The following RABEP1 variants were observed in gnomAD, a reference collection of about 807,000 sequenced individuals.
RABEP1 encodes rab GTPase-binding effector protein 1.
RABEP1 carries 51 observed loss-of-function variants against 123.4 expected under a neutral mutation model. The observed-to-expected ratio is 0.41, with a 90% CI of 0.33 to 0.52. The LOEUF (loss-of-function observed/expected upper bound fraction) is 0.52, where lower values mean the gene tolerates loss of function less well. RABEP1 is among the 20% of genes least tolerant of loss of function. The pLI is 0.16. For synonymous variants in RABEP1, 347 were observed against 355.2 expected (o/e 0.98, Z 0.26); for missense variants, 888 against 996.3 (o/e 0.89, Z 1.46).
intron 2 of RABEP1, among the ~76,000 whole-genome samples, chr17:5,326,060 G>A (rs1323764626): frequency 6.6e-6 from 1 of 152,178 alleles, no homozygotes; most frequent in South Asian, 2.1e-4. Context: ...GCAAAATGAC[G>A]TAGCCACTTT....
chr17:5,298,253 A>G (rs1368323467), intron 1 of RABEP1, among the ~76,000 whole-genome samples: 1 of 152,230 alleles, frequency 6.6e-6, no homozygotes, highest in Non-Finnish European at 1.5e-5. Context: ...ACCCAAGTGT[A>G]GGGAGATAAG....
At chr17:5,353,662 A>G (rs1908759984) in intron 7 of RABEP1, among the ~76,000 whole-genome samples, 2 of 152,186 alleles carry the variant, frequency 1.3e-5, no homozygotes, top group South Asian at 4.2e-4. Context: ...AGCCAGGACA[A>G]CAGCGTGAGA....
In RABEP1 at chr17:5,282,332, G is replaced by C; in HGVS notation, c.-155G>C. ...GGCGGTCGGGTCCGTCTCTGCCCGC[G>C]GCTGTGGCGGCGCCGGCGGATCCAG... On this transcript the variant is annotated 5_prime_UTR_variant, in exon 1 of 18. Transcript: ENST00000537505. 1 of 512,440 alleles carries C rather than the reference G, an allele frequency of 2.0e-6. No homozygotes were observed. The highest frequency in any genetic ancestry group is 3.1e-6 in the Non-Finnish European group (1 of 325,910). The allele number at this position is 512,440 out of a possible 1,614,324, so 31.7% of individuals were successfully genotyped here. A position where few individuals can be genotyped will look rare whatever the true frequency, so the allele number is the denominator to read the frequency against.
At chr17:5,326,708 A>G (rs1906004389) in intron 2 of RABEP1, among the ~76,000 whole-genome samples, 1 of 152,146 alleles carries the variant, frequency 6.6e-6, no homozygotes, top group South Asian at 2.1e-4. Context: ...GGGTGCCTGT[A>G]GTAGAGGAGT....
At chr17:5,343,779 G>A (rs966656009) in intron 5 of RABEP1, among the ~76,000 whole-genome samples, 10 of 145,012 alleles carry the variant, frequency 6.9e-5, no homozygotes, top group East Asian at 6.5e-4. Context: ...AGGTTCAAGC[G>A]ATTCTCCTGC....
intron 2 of RABEP1, among the ~76,000 whole-genome samples, chr17:5,325,796 A>T (rs184930388): frequency 2.0e-5 from 3 of 152,334 alleles, no homozygotes; most frequent in Admixed American, 2.0e-4. Context: ...AGTTACATTA[A>T]TGTATTATCA....
At position 5,329,741 on chromosome 17, in the gene RABEP1, T is replaced by C. The variant is rs545065276; in HGVS notation, c.164-2208T>C. Among the ~76,000 whole-genome samples, 118 of 151,562 alleles carry C rather than the reference T, an allele frequency of 7.8e-4. 1 individual carries two copies. In the South Asian group the frequency reaches 0.023, roughly 29 times the overall value. ...ATGCTTTACTACAAAAAATTAAGAT[T>C]TTCTAACTTTATTTTAAATTTCTGT... On this transcript the variant is annotated intron_variant, in intron 2 of 17. Transcript: ENST00000537505.
At chr17:5,314,366 C>T (rs2075275231) in intron 2 of RABEP1, among the ~76,000 whole-genome samples, 1 of 150,436 alleles carries the variant, frequency 6.6e-6, no homozygotes, top group South Asian at 2.1e-4. Flanking sequence ...CCTTAGCCTC[C>T]TAAGTAGCTG....
At chr17:5,366,257 G>A (rs952292814) in intron 11 of RABEP1, among the ~76,000 whole-genome samples, 1 of 152,122 alleles carries the variant, frequency 6.6e-6, no homozygotes, top group African/African-American at 2.4e-5. Context: ...CATTTTTCAT[G>A]TTTCTTGGCC....
chr17:5,282,346 C>A lies in RABEP1; in HGVS notation c.-141C>A. The A allele has an allele frequency of 1.6e-6, 1 of 612,988 alleles. No individual in the cohort carries two copies. Among genetic ancestry groups the A allele is most frequent in the Non-Finnish European group, 2.4e-6 (1 of 415,038 alleles). The allele number at this position is 612,988 out of a possible 1,614,324, so 38.0% of individuals were successfully genotyped here. A position where few individuals can be genotyped will look rare whatever the true frequency, so the allele number is the denominator to read the frequency against. ...TCTCTGCCCGCGGCTGTGGCGGCGCCGGCGGATCCAGCCTTAGCGGTTTCT... is the reference window on the plus strand; with the variant it reads ...TCTCTGCCCGCGGCTGTGGCGGCGCAGGCGGATCCAGCCTTAGCGGTTTCT... On this transcript the variant is annotated 5_prime_UTR_variant, in exon 1 of 18. Transcript: ENST00000537505.
chr17:5,340,797 A>C (rs1323637763), intron 5 of RABEP1, among the ~76,000 whole-genome samples: 1 of 151,838 alleles, frequency 6.6e-6, no homozygotes, highest in African/African-American at 2.4e-5. Context: ...AAATGCAAAA[A>C]ATTAGCTGGG....
At chr17:5,287,600 A>C (rs1170046262) in intron 1 of RABEP1, among the ~76,000 whole-genome samples, 1 of 1,858 alleles carries the variant, frequency 5.4e-4, no homozygotes. Flanking sequence ...CTCTGTCGCA[A>C]AAAAAAAAAA....
At chr17:5,292,627 A>G (rs573884331) in intron 1 of RABEP1, among the ~76,000 whole-genome samples, 1 of 152,052 alleles carries the variant, frequency 6.6e-6, no homozygotes, top group African/African-American at 2.4e-5. Context: ...CATGTGATCC[A>G]CCCACCTTGG....
At chr17:5,364,767 A>G (rs541055578) in intron 10 of RABEP1, among the ~76,000 whole-genome samples, 1 of 152,124 alleles carries the variant, frequency 6.6e-6, no homozygotes, top group African/African-American at 2.4e-5. Flanking sequence ...TAGAGTTTTA[A>G]GTAGGGAAAT....
At chr17:5,378,095 G>T in intron 14 of RABEP1, 82 bp from the exon 15 acceptor site, 1 of 1,045,572 alleles carries the variant, frequency 9.6e-7, no homozygotes, top group Non-Finnish European at 1.4e-6. Context: ...ATCCTTTGGG[G>T]GGTGCTCTAA....
intron 2 of RABEP1, among the ~76,000 whole-genome samples, chr17:5,329,530 T>C (rs1906316316): frequency 6.6e-6 from 1 of 152,276 alleles, no homozygotes; most frequent in South Asian, 2.1e-4. Context: ...AGACTCCGTC[T>C]CAAAAAAATA....
intron 3 of RABEP1, among the ~76,000 whole-genome samples, chr17:5,334,049 G>A (rs577736999): frequency 3.4e-3 from 483 of 141,942 alleles, no homozygotes; most frequent in Middle Eastern, 7.4e-3. Context: ...GTTACCTAGT[G>A]GTTTTTTTTT....
intron 3 of RABEP1, 107 bp from the exon 4 acceptor site, chr17:5,335,077 T>C (rs1470929200): frequency 5.6e-6 from 5 of 900,784 alleles, no homozygotes; most frequent in Non-Finnish European, 8.1e-6. Context: ...TTAAACATTT[T>C]CCAGAAATTA....
At chr17:5,356,544 T>C (rs1477955404) in intron 8 of RABEP1, 1 of 174,654 alleles carries the variant, frequency 5.7e-6, no homozygotes, top group African/African-American at 2.4e-5. Context: ...TGATAGATCA[T>C]CCTACCCAGA....
Sources: gnomAD v4.1 joint callset for allele counts (sites outside exome capture counted in the v4.1 genomes callset) on GRCh38, gnomAD v4.1.1 for gene constraint, MANE v1.5 for transcripts, NCBI Gene and HGNC (gene_info 2026-07-23, HGNC 2026-07-21) for gene names.